Variants in FGD3 observed in about 807,000 individuals in gnomAD.
The protein encoded by FGD3 is FYVE, RhoGEF and PH domain-containing protein 3.
FGD3 carries 45 observed loss-of-function variants against 71.8 expected under a neutral mutation model. The observed-to-expected ratio is 0.63, with a 90% confidence interval of 0.49 to 0.80. The LOEUF is 0.80. Among genes scored for constraint, FGD3 ranks in the 30% least tolerant of loss-of-function variants. The pLI, the probability that FGD3 is intolerant of heterozygous loss-of-function variation, is 0.00. For missense variants in FGD3, 844 were observed against 951.5 expected, an observed-to-expected ratio of 0.89 and a Z score of 1.49; for synonymous variants, 378 against 392.8, an observed-to-expected ratio of 0.96 and a Z score of 0.44.
intron 8 of FGD3, among the ~76,000 whole-genome samples, chr9:93,011,825 C>T (rs1861402658): frequency 6.7e-6 from 1 of 149,686 alleles, no homozygotes; most frequent in African/African-American, 2.5e-5. Context: ...CACTGCACTC[C>T]AGCCTGTGCA....
chr9:93,014,963 C>T (rs927856077), intron 9 of FGD3, among the ~76,000 whole-genome samples: 1 of 150,486 alleles, frequency 6.6e-6, no homozygotes, highest in Non-Finnish European at 1.5e-5. Flanking sequence ...CCCCCGCCCA[C>T]CCCCCCAGTT....
At chr9:92,964,783 G>A (rs1273931765) in intron 1 of FGD3, among the ~76,000 whole-genome samples, 3 of 152,124 alleles carry the variant, frequency 2.0e-5, no homozygotes, top group South Asian at 2.1e-4. Context: ...CCAGGGCATC[G>A]AGACCACGGC....
intron 1 of FGD3, among the ~76,000 whole-genome samples, chr9:92,958,852 T>C (rs776360365): frequency 6.6e-6 from 1 of 152,266 alleles, no homozygotes; most frequent in African/African-American, 2.4e-5. Context: ...GGCACCTTCA[T>C]TGAAAATCAA....
intron 3 of FGD3, among the ~76,000 whole-genome samples, chr9:92,984,139 G>A (rs1860102261): frequency 6.6e-6 from 1 of 152,224 alleles, no homozygotes; most frequent in Admixed American, 6.5e-5. Flanking sequence ...GCCTTACCTA[G>A]CTGTAAAGCA....
At chr9:92,966,280 C>G (rs1859322114) in intron 1 of FGD3, among the ~76,000 whole-genome samples, 1 of 152,168 alleles carries the variant, frequency 6.6e-6, no homozygotes, top group African/African-American at 2.4e-5. Flanking sequence ...GCAGCCACAT[C>G]TGGGTCTGGG....
At chr9:92,981,364 T>G (rs1859987457) in intron 3 of FGD3, among the ~76,000 whole-genome samples, 1 of 99,646 alleles carries the variant, frequency 1.0e-5, no homozygotes, top group Non-Finnish European at 2.0e-5. Flanking sequence ...CGAGATTCCA[T>G]CTCCAAAAAA....
At chr9:92,988,689 T>A (rs1029059452) in intron 3 of FGD3, among the ~76,000 whole-genome samples, 5 of 152,252 alleles carry the variant, frequency 3.3e-5, no homozygotes, top group African/African-American at 9.6e-5. Context: ...GATGTTACCA[T>A]AAACACATAT....
At position 93,032,945 on chromosome 9, in the gene FGD3, A is replaced by G. The variant is rs35463329; in HGVS notation, c.1785+72A>G. The G allele has an allele frequency of 0.012, 16,002 of 1,368,230 alleles. 1,904 individuals carry two copies. The Admixed American group carries it at 0.23, about 19-fold the overall frequency. The allele number at this position is 1,368,230 out of a possible 1,614,324, so 84.8% of individuals were successfully genotyped here. A position where few individuals can be genotyped will look rare whatever the true frequency, so the allele number is the denominator to read the frequency against. On this transcript the variant is annotated intron_variant, in intron 16 of 17. Transcript: ENST00000375482. ...CTCCAGACACCTGCTCCTGTGCCCC[A>G]GCAGCTCCAGCTGCCTCTGCTTTCG...
At chr9:93,024,265 A>G (rs1278980276) in intron 14 of FGD3, among the ~76,000 whole-genome samples, 2 of 152,256 alleles carry the variant, frequency 1.3e-5, no homozygotes, top group Admixed American at 6.5e-5. Context: ...AGCTGCCCAC[A>G]GTGGACACAC....
chr9:92,958,310 A>AT (rs1310563203), intron 1 of FGD3, among the ~76,000 whole-genome samples: 3 of 152,066 alleles, frequency 2.0e-5, no homozygotes, highest in African/African-American at 7.3e-5. Flanking sequence ...TAAAGACTTA[A>AT]TTTTTTTATA....
At chr9:93,001,048 C>A (rs560657962) in intron 3 of FGD3, among the ~76,000 whole-genome samples, 1 of 151,982 alleles carries the variant, frequency 6.6e-6, no homozygotes, top group South Asian at 2.1e-4. Context: ...TTTTCTTCTG[C>A]CTGATCAAGT....
chr9:93,024,048 G>A (rs552501547), intron 14 of FGD3, among the ~76,000 whole-genome samples: 5 of 152,102 alleles, frequency 3.3e-5, no homozygotes, highest in South Asian at 4.2e-4. Context: ...TGATCCGCCC[G>A]CCTCAGCTGG....
chr9:92,995,339 T>C (rs1480052005), intron 3 of FGD3, among the ~76,000 whole-genome samples: 1 of 152,212 alleles, frequency 6.6e-6, no homozygotes, highest in Non-Finnish European at 1.5e-5. Flanking sequence ...CCTGAGACTT[T>C]GGTGAAGTTG....
intron 3 of FGD3, among the ~76,000 whole-genome samples, chr9:92,999,350 G>A (rs886370044): frequency 1.3e-5 from 2 of 152,066 alleles, no homozygotes; most frequent in African/African-American, 2.4e-5. Context: ...GGAGTGTCTC[G>A]ATTTTCCAGG....
chr9:92,973,781 C>T (rs1463847814), intron 1 of FGD3, among the ~76,000 whole-genome samples: 1 of 152,232 alleles, frequency 6.6e-6, no homozygotes, highest in Non-Finnish European at 1.5e-5. Context: ...CCACCGCACA[C>T]ATGCTGAACG....
intron 13 of FGD3, 82 bp from the exon 14 acceptor site, chr9:93,022,245 G>C: frequency 7.2e-7 from 1 of 1,394,020 alleles, no homozygotes; most frequent in East Asian, 2.3e-5. Flanking sequence ...AGGTGCTGGG[G>C]GCTTCAGGAA....
chr9:92,990,706 A>C (rs1215895773), intron 3 of FGD3, among the ~76,000 whole-genome samples: 1 of 152,216 alleles, frequency 6.6e-6, no homozygotes, highest in African/African-American at 2.4e-5. Flanking sequence ...AGTTCTGTGA[A>C]TGTGATGTAT....
chr9:92,958,999 G>T (rs922828031), intron 1 of FGD3, among the ~76,000 whole-genome samples: 1 of 151,754 alleles, frequency 6.6e-6, no homozygotes, highest in Non-Finnish European at 1.5e-5. Flanking sequence ...TCGCTCTGTC[G>T]CCCAGGCTGG....
chr9:92,982,653 G>A (rs941221394), intron 3 of FGD3, among the ~76,000 whole-genome samples: 3 of 150,952 alleles, frequency 2.0e-5, no homozygotes, highest in Admixed American at 6.6e-5. Context: ...GTTCGCTCCT[G>A]TTCTGCTTGA....
Sources: gnomAD v4.1 joint callset for allele counts (sites outside exome capture counted in the v4.1 genomes callset) on GRCh38, gnomAD v4.1.1 for gene constraint, MANE v1.5 for transcripts, NCBI Gene and HGNC (gene_info 2026-07-23, HGNC 2026-07-21) for gene names.